CCDC7: variants seen among roughly 807,000 people sequenced by gnomAD.
The protein encoded by CCDC7 is coiled-coil domain containing 7, also known as coiled-coil domain-containing protein 7.
Under a neutral mutation model 196.9 loss-of-function variants are expected in CCDC7, and 183 were observed. That is an observed-to-expected ratio of 0.93 (90% CI 0.82 to 1.05). The LOEUF (loss-of-function observed/expected upper bound fraction) is 1.05. CCDC7 is among the 50% of genes least tolerant of loss of function. CCDC7 has a pLI of 0.00. For missense variants in CCDC7, 1,540 were observed against 1,482.2 expected (o/e 1.04, Z -0.64); for synonymous variants, 525 against 484.6 (o/e 1.08, Z -1.10).
chr10:32,550,967 G>A (rs1013583859), intron 13 of CCDC7, among the ~76,000 whole-genome samples: 1 of 152,120 alleles, frequency 6.6e-6, no homozygotes, highest in Admixed American at 6.5e-5. Flanking sequence ...AGTGTCAAAA[G>A]GATTGGTACC....
intron 21 of CCDC7, among the ~76,000 whole-genome samples, chr10:32,669,158 A>C (rs73259424): frequency 0.053 from 8,087 of 152,192 alleles, 719 homozygotes; most frequent in African/African-American, 0.18. Context: ...TGAGATTATC[A>C]TGTGGTTTTT....
Position 32,544,228 on chromosome 10 carries a change from A to G in CCDC7, c.1080-19A>G. On this transcript the variant is annotated intron_variant, in intron 12 of 41. Transcript: ENST00000639629. ...ATTTAAAAATATCATGATGCATTTT[A>G]AAACATTTTATGTTACAGGAAGATG... 1 of 1,592,136 alleles carries G rather than the reference A, an allele frequency of 6.3e-7. No homozygotes were observed.
chr10:32,764,669 T>C lies in CCDC7; in HGVS notation c.2906-14308T>C, dbSNP rs183441113. ...TTATCATTTAAGATCTGCTCACCCA[T>C]CTTAGGAGGGTCCAGAGGACACACC... On this transcript the variant is annotated intron_variant, in intron 28 of 41. Coordinates refer to ENST00000639629, the Ensembl canonical transcript of CCDC7. Among the ~76,000 whole-genome samples the C allele has an allele frequency of 1.8e-3, 277 of 152,056 alleles. 1 individual carries two copies. The highest frequency in any genetic ancestry group is 6.3e-3 in the African/African-American group (263 of 41,516).
chr10:32,474,995 A>G lies in CCDC7; in HGVS notation c.796+972A>G, dbSNP rs141191771. On this transcript the variant is annotated intron_variant, in intron 8 of 41. Transcript: ENST00000639629. ...ACATCTTACAGCACTCCCAAGTTCT[A>G]TAGAGATTTCTGGTTGAAGAGAGCT... 5.9e-3 allele frequency among the ~76,000 whole-genome samples: 904 copies of G among 152,322 alleles called. 9 individuals carry two copies. The highest frequency in any genetic ancestry group is 0.021 in the African/African-American group (861 of 41,568).
intron 28 of CCDC7, among the ~76,000 whole-genome samples, chr10:32,761,629 AATTGCTGAAAACTAGCTCAG>A (rs2077480615): frequency 6.6e-6 from 1 of 151,974 alleles, no homozygotes; most frequent in Non-Finnish European, 1.5e-5. Flanking sequence ...TATAGCTACA[AATTGCTGAAAACTAGCTCAG>A]ATTGCTGAAA....
chr10:32,564,019 A>G (rs192170924), intron 13 of CCDC7, among the ~76,000 whole-genome samples: 2 of 152,356 alleles, frequency 1.3e-5, no homozygotes, highest in Admixed American at 1.3e-4. Flanking sequence ...TCAAAAGAAG[A>G]CATTTATGCA....
intron 18 of CCDC7, among the ~76,000 whole-genome samples, chr10:32,613,013 T>G (rs900347627): frequency 3.9e-5 from 6 of 152,186 alleles, no homozygotes; most frequent in African/African-American, 1.4e-4. Flanking sequence ...AGCTCCTCTT[T>G]GTACCTCTGG....
At chr10:32,584,352 G>A in intron 18 of CCDC7, 48 bp downstream of exon 19, 1 of 1,185,222 alleles carries the variant, frequency 8.4e-7, no homozygotes, top group Non-Finnish European at 1.2e-6. Flanking sequence ...GAATGATTAT[G>A]TGTTTCCATG....
At chr10:32,767,761 C>G (rs1298977548) in intron 28 of CCDC7, among the ~76,000 whole-genome samples, 1 of 152,060 alleles carries the variant, frequency 6.6e-6, no homozygotes, top group Non-Finnish European at 1.5e-5. Context: ...CCTCACCAAA[C>G]TGATTAAATA....
intron 28 of CCDC7, among the ~76,000 whole-genome samples, chr10:32,730,694 G>A (rs1340910858): frequency 1.3e-5 from 2 of 151,704 alleles, no homozygotes; most frequent in East Asian, 1.9e-4. Flanking sequence ...TTAACATATA[G>A]TAATTAACAT....
At chr10:32,609,709 A>G (rs2061897910) in intron 18 of CCDC7, among the ~76,000 whole-genome samples, 1 of 152,156 alleles carries the variant, frequency 6.6e-6, no homozygotes, top group African/African-American at 2.4e-5. Context: ...CAAATTTCCT[A>G]TAAATGGTTT....
intron 31 of CCDC7, among the ~76,000 whole-genome samples, chr10:32,817,970 C>G (rs1268485609): frequency 6.6e-6 from 1 of 152,252 alleles, no homozygotes; most frequent in East Asian, 1.9e-4. Flanking sequence ...ATGACATGAT[C>G]AAATCCACAC....
At chr10:32,547,527 C>T (rs1004945788) in intron 13 of CCDC7, among the ~76,000 whole-genome samples, 3 of 152,120 alleles carry the variant, frequency 2.0e-5, no homozygotes, top group African/African-American at 7.2e-5. Context: ...TTATATATAA[C>T]ATGACCCTAA....
chr10:32,635,748 T>C (rs758124088), intron 20 of CCDC7, among the ~76,000 whole-genome samples: 1 of 152,004 alleles, frequency 6.6e-6, no homozygotes, highest in Non-Finnish European at 1.5e-5. Context: ...TTCATCCTGG[T>C]AACTTAACAT....
At chr10:32,582,124 A>ATATATATATATATATATATG in intron 16 of CCDC7, among the ~76,000 whole-genome samples, 1 of 102,838 alleles carries the variant, frequency 9.7e-6, no homozygotes, top group African/African-American at 4.6e-5. Flanking sequence ...ATATATATAT[A>ATATATATATATATATATATG]TATATATATA....
intron 21 of CCDC7, among the ~76,000 whole-genome samples, chr10:32,678,620 C>T (rs913766017): frequency 6.6e-6 from 1 of 152,080 alleles, no homozygotes; most frequent in African/African-American, 2.4e-5. Flanking sequence ...CATGCTGATT[C>T]CCTGAGTGTT....
rs150659577 is a variant in CCDC7, at chr10:32,537,677, T to C, written c.994-5623T>C. Among the ~76,000 whole-genome samples, 626 of 152,298 alleles carry C rather than the reference T, an allele frequency of 4.1e-3. 5 individuals carry two copies. Among genetic ancestry groups the C allele is most frequent in the African/African-American group, 0.015 (609 of 41,566 alleles). On this transcript the variant is annotated intron_variant, in intron 11 of 41. Coordinates refer to ENST00000639629, the Ensembl canonical transcript of CCDC7. ...TTTAAGTTGATTTTTGAATGTGGTG[T>C]AAGGTAGGGGTACAGTTTCAGTCTT...
At chr10:32,704,931 A>T (rs7082920) in intron 24 of CCDC7, among the ~76,000 whole-genome samples, 12,694 of 152,174 alleles carry the variant, frequency 0.083, 837 homozygotes, top group East Asian at 0.33. Context: ...CTTGGCTAGG[A>T]AAGGGAATTC....
intron 41 of CCDC7, among the ~76,000 whole-genome samples, chr10:32,870,142 G>A (rs1267179070): frequency 5.3e-5 from 8 of 152,076 alleles, no homozygotes; most frequent in Non-Finnish European, 8.8e-5. Flanking sequence ...AAAGTCATTG[G>A]TAGCTTAATG....
Sources: allele counts gnomAD v4.1 joint callset (sites outside exome capture counted in the v4.1 genomes callset), GRCh38; gene constraint gnomAD v4.1.1; transcripts MANE v1.5; gene names NCBI Gene and HGNC (gene_info 2026-07-23, HGNC 2026-07-21).